Variants in RUVBL2 observed in about 807,000 individuals in gnomAD.
RUVBL2 encodes the protein RuvB like AAA ATPase 2, also known as ruvB-like 2.
RUVBL2 carries 9 observed loss-of-function variants against 57.9 expected under a neutral mutation model. The ratio of observed to expected loss-of-function variants is 0.16; its 90% CI spans 0.09 to 0.27. The LOEUF (loss-of-function observed/expected upper bound fraction) is 0.27, where lower values mean the gene tolerates loss of function less well. RUVBL2 is among the 10% of genes least tolerant of loss of function. The probability of loss-of-function intolerance (pLI) is 1.00; values close to 1 mark genes in which losing one functional copy is unlikely to be tolerated. For synonymous variants in RUVBL2, 278 were observed against 264.6 expected, an observed-to-expected ratio of 1.05 and a Z score of -0.49; for missense variants, 456 against 669.6, an observed-to-expected ratio of 0.68 and a Z score of 3.52.
rs375183561 is a variant in RUVBL2, at chr19:49,011,239, C to G, written c.930C>G (p.Ser310=). The change falls in exon 11 of 15, where the codon TCC becomes TCG. Residue 310 remains serine (S), a synonymous_variant. Coordinates refer to ENST00000595090, the MANE Select transcript of RUVBL2 (RefSeq NM_006666.3). This position sits in a 1 kb window ranked among gnomAD's most constrained non-coding sequence, Gnocchi z 4.4. ...ACATGCTGGACATCGAGAGCTTCTCCTTCCTCAACCGGGCCCTGGAGAGTG... is the reference window on the plus strand; with the variant it reads ...ACATGCTGGACATCGAGAGCTTCTCGTTCCTCAACCGGGCCCTGGAGAGTG... ...EVHMLDIESF[S]FLNRALESDM... 1.9e-6 allele frequency: 3 copies of G among 1,613,948 alleles called. No homozygotes were observed. The highest frequency in any genetic ancestry group is 1.3e-5 in the African/African-American group (1 of 75,052).
intron 11 of RUVBL2, among the ~76,000 whole-genome samples, chr19:49,013,240 G>A (rs965027071): frequency 1.7e-4 from 26 of 151,716 alleles, no homozygotes; most frequent in African/African-American, 6.3e-4. Flanking sequence ...GAGATTACAG[G>A]GGTGAGTCAC....
At chr19:48,995,356 C>T (rs561675546) in intron 1 of RUVBL2, among the ~76,000 whole-genome samples, 1 of 150,402 alleles carries the variant, frequency 6.6e-6, no homozygotes, top group African/African-American at 2.4e-5. Flanking sequence ...GATGCCTAGT[C>T]TTCTGCTTGT....
chr19:49,012,701 G>A (rs924102824), intron 11 of RUVBL2, among the ~76,000 whole-genome samples: 1 of 152,182 alleles, frequency 6.6e-6, no homozygotes, highest in African/African-American at 2.4e-5. Flanking sequence ...CTCCCTTAGC[G>A]CTCATGCTGT....
At chr19:48,998,917 A>G (rs2039120130) in intron 1 of RUVBL2, among the ~76,000 whole-genome samples, 1 of 150,958 alleles carries the variant, frequency 6.6e-6, no homozygotes, top group Admixed American at 6.6e-5. Flanking sequence ...AATCCCAGCT[A>G]GTCAGGAGGC....
intron 3 of RUVBL2, 136 bp from the exon 4 acceptor site, chr19:49,004,140 AG>A (rs1280863714): frequency 9.5e-5 from 93 of 975,366 alleles, no homozygotes; most frequent in East Asian, 3.2e-4. Context: ...AAAAAAAAAA[AG>A]CAGGGAAAGC....
Position 49,010,520 on chromosome 19 carries a change from C to T in RUVBL2, c.696C>T (p.Leu232=). The T allele has an allele frequency of 6.3e-7, 1 of 1,580,596 alleles. No individual in the cohort carries two copies. The highest frequency in any genetic ancestry group is 8.6e-7 in the Non-Finnish European group (1 of 1,158,752). The part of the protein sequence containing the change: ...TKFVQCPDGE[L]QKRKEVVHTV... ...TCGTGCAGTGCCCAGATGGGGAGCTCCAGAAACGCAAGGAGGTGGTGCACA... is the reference window on the plus strand; with the variant it reads ...TCGTGCAGTGCCCAGATGGGGAGCTTCAGAAACGCAAGGAGGTGGTGCACA... Residue 232 remains leucine, a synonymous_variant, in exon 9 of 15, where the codon CTC becomes CTT. Transcript: ENST00000595090.
At chr19:48,994,068 G>C in intron 1 of RUVBL2, 145 bp downstream of exon 1, 1 of 496,434 alleles carries the variant, frequency 2.0e-6, no homozygotes, top group Non-Finnish European at 3.3e-6. Context: ...AGGAAGCTCG[G>C]CCACCCAGAT....
intron 4 of RUVBL2, among the ~76,000 whole-genome samples, chr19:49,006,782 G>A (rs112009028): frequency 1.3e-5 from 2 of 152,228 alleles, no homozygotes; most frequent in African/African-American, 4.8e-5. Flanking sequence ...TCTAAGCCAG[G>A]CCTGCCGGAG....
chr19:49,001,700 C>T (rs1169360009), intron 2 of RUVBL2: 1 of 151,764 alleles, frequency 6.6e-6, no homozygotes, highest in Non-Finnish European at 1.5e-5. Context: ...GCAAGCTCCA[C>T]CTCCCGGGTT....
intron 11 of RUVBL2, among the ~76,000 whole-genome samples, chr19:49,012,241 A>C (rs1358499376): frequency 6.6e-6 from 1 of 152,118 alleles, no homozygotes; most frequent in Non-Finnish European, 1.5e-5. Context: ...CGGGCACCCT[A>C]CAGAGGATGC....
chr19:49,005,169 T>G (rs899231268), intron 4 of RUVBL2, among the ~76,000 whole-genome samples: 1 of 152,190 alleles, frequency 6.6e-6, no homozygotes, highest in Non-Finnish European at 1.5e-5. Context: ...CTCTGCCCCA[T>G]TGAAGCTTTT....
intron 1 of RUVBL2, among the ~76,000 whole-genome samples, chr19:48,996,500 A>ATC (rs1275583772): frequency 9.4e-5 from 8 of 84,930 alleles, no homozygotes; most frequent in Admixed American, 2.4e-4. Context: ...TAATTTTTGT[A>ATC]TCTGTGTGTG....
chr19:49,011,066 G>A lies in RUVBL2; in HGVS notation c.855G>A (p.Glu285=), dbSNP rs2039415675. 2 of 1,613,394 alleles carry A rather than the reference G, an allele frequency of 1.2e-6. No homozygotes were observed. The highest frequency in any genetic ancestry group is 3.3e-5 in the Admixed American group (2 of 59,986). Residue 285 remains glutamate, a synonymous_variant, in exon 10 of 15, where the codon GAG becomes GAA. Transcript: ENST00000595090. This position sits in a 1 kb window ranked among gnomAD's most constrained non-coding sequence, Gnocchi z 4.4. Reference sequence around the variant, plus strand: ...ATGCCAAGGTGGCTGAGTGGCGCGAGGAGGGCAAGGCGGAGATCATCCCTG... The same window carrying A: ...ATGCCAAGGTGGCTGAGTGGCGCGAAGAGGGCAAGGCGGAGATCATCCCTG... ...QINAKVAEWR[E]EGKAEIIPGV...
At chr19:48,995,713 C>T (rs1191509535) in intron 1 of RUVBL2, among the ~76,000 whole-genome samples, 2 of 151,642 alleles carry the variant, frequency 1.3e-5, no homozygotes, top group South Asian at 2.1e-4. Flanking sequence ...AGGCCGGGTG[C>T]GGTGGCTCAC....
At chr19:49,003,788 A>G (rs906726027) in intron 3 of RUVBL2, among the ~76,000 whole-genome samples, 1 of 151,342 alleles carries the variant, frequency 6.6e-6, no homozygotes, top group African/African-American at 2.4e-5. Context: ...AAAAAAAAGA[A>G]TTGGGAGTGG....
upstream of RUVBL2, chr19:48,993,538 TC>T (rs1314607082): frequency 2.7e-5 from 12 of 444,886 alleles, no homozygotes; most frequent in South Asian, 4.4e-5. Flanking sequence ...GCTCTGTCAA[TC>T]TGGAGCTGGA....
At chr19:48,994,008 G>T (rs1205115663) in intron 1 of RUVBL2, 85 bp downstream of exon 1, 2 of 1,535,390 alleles carry the variant, frequency 1.3e-6, no homozygotes, top group African/African-American at 2.7e-5. Context: ...TGACTCCTGG[G>T]TCTGAGGGAG....
chr19:49,007,897 C>T (rs548954031), intron 6 of RUVBL2, among the ~76,000 whole-genome samples: 11 of 151,820 alleles, frequency 7.2e-5, no homozygotes, highest in South Asian at 2.1e-4. Flanking sequence ...TCAGTAGAGA[C>T]GGGGTTTCAC....
At chr19:49,013,654 C>T (rs892114304) in intron 11 of RUVBL2, among the ~76,000 whole-genome samples, 3 of 152,206 alleles carry the variant, frequency 2.0e-5, no homozygotes, top group Non-Finnish European at 4.4e-5. Flanking sequence ...GTAGCTCACA[C>T]CTGTAATCCC....
Sources: allele counts gnomAD v4.1 joint callset (sites outside exome capture counted in the v4.1 genomes callset), GRCh38; gene constraint gnomAD v4.1.1; non-coding constraint Gnocchi (gnomAD v3.1); transcripts MANE v1.5; gene names NCBI Gene and HGNC (gene_info 2026-07-23, HGNC 2026-07-21).